RBFOX1: variants seen among roughly 807,000 people sequenced by gnomAD.
RBFOX1 encodes the protein RNA binding fox-1 homolog 1, also known as RNA binding protein fox-1 homolog 1.
RBFOX1 carries 8 observed loss-of-function variants against 57.7 expected under a neutral mutation model. The observed-to-expected ratio is 0.14, with a 90% CI of 0.08 to 0.25. The LOEUF is 0.25. RBFOX1 is among the 10% of genes least tolerant of loss of function. RBFOX1 has a pLI of 1.00. For missense variants in RBFOX1, 611 were observed against 548.5 expected (o/e 1.11, Z -1.14); for synonymous variants, 326 against 222.4 (o/e 1.47, Z -4.15).
At chr16:5,643,806 C>G (rs1345672264) in intron 3 of RBFOX1, among the ~76,000 whole-genome samples, 1 of 152,166 alleles carries the variant, frequency 6.6e-6, no homozygotes. Flanking sequence ...CCCCTAATCA[C>G]AAGCTAAGCC....
intron 3 of RBFOX1, among the ~76,000 whole-genome samples, chr16:6,751,498 T>C (rs2154191586): frequency 6.6e-6 from 1 of 152,296 alleles, no homozygotes; most frequent in Admixed American, 6.5e-5. Context: ...CAGCAACTCT[T>C]TGCCTCACTT....
intron 4 of RBFOX1, among the ~76,000 whole-genome samples, chr16:7,138,985 G>T (rs1044637561): frequency 6.6e-6 from 1 of 152,032 alleles, no homozygotes; most frequent in Non-Finnish European, 1.5e-5. Flanking sequence ...TATATTTTTA[G>T]TAGAGACAGG....
chr16:6,832,306 A>T (rs1019401202), intron 3 of RBFOX1, among the ~76,000 whole-genome samples: 1 of 152,186 alleles, frequency 6.6e-6, no homozygotes, highest in Non-Finnish European at 1.5e-5. Flanking sequence ...ATTACCAGAG[A>T]GTTGGAGACA....
At chr16:6,908,159 A>G (rs192881970) in intron 3 of RBFOX1, among the ~76,000 whole-genome samples, 15 of 151,686 alleles carry the variant, frequency 9.9e-5, no homozygotes, top group African/African-American at 3.4e-4. Context: ...CTAACAATCT[A>G]CTTCTCTGCA....
chr16:5,867,977 G>C (rs1468129747), intron 4 of RBFOX1, among the ~76,000 whole-genome samples: 2 of 152,134 alleles, frequency 1.3e-5, no homozygotes, highest in Non-Finnish European at 2.9e-5. Flanking sequence ...CTCCTAAAAT[G>C]CAGGGATTAT....
intron 4 of RBFOX1, among the ~76,000 whole-genome samples, chr16:7,116,652 A>T (rs775125225): frequency 6.6e-6 from 1 of 152,198 alleles, no homozygotes; most frequent in Non-Finnish European, 1.5e-5. Context: ...AATGCAATTC[A>T]TGTGACTTGG....
chr16:7,019,507 CCT>C (rs1248327581), intron 3 of RBFOX1, among the ~76,000 whole-genome samples: 4 of 152,086 alleles, frequency 2.6e-5, no homozygotes, highest in African/African-American at 9.7e-5. Flanking sequence ...TGTCTGAACC[CCT>C]GAGCCCATGG....
chr16:7,336,977 C>T (rs764572903), intron 4 of RBFOX1, among the ~76,000 whole-genome samples: 31 of 152,164 alleles, frequency 2.0e-4, no homozygotes, highest in Non-Finnish European at 8.8e-5. Flanking sequence ...CTAGACCCTG[C>T]TGAGGGCTTT....
chr16:6,914,940 A>C (rs1391648022), intron 3 of RBFOX1, among the ~76,000 whole-genome samples: 2 of 152,232 alleles, frequency 1.3e-5, no homozygotes, highest in Non-Finnish European at 2.9e-5. Context: ...CATAACTTTT[A>C]GAGAAGTAAA....
chr16:7,029,632 G>A (rs2042281688), intron 3 of RBFOX1, among the ~76,000 whole-genome samples: 1 of 151,976 alleles, frequency 6.6e-6, no homozygotes, highest in South Asian at 2.1e-4. Context: ...AAAGCAGAAG[G>A]GTATGAGATT....
At chr16:6,548,834 G>C (rs1331785547) in intron 2 of RBFOX1, among the ~76,000 whole-genome samples, 2 of 151,922 alleles carry the variant, frequency 1.3e-5, no homozygotes, top group Non-Finnish European at 2.9e-5. Context: ...CTAGCACTTT[G>C]GGAGGCCAAG....
intron 4 of RBFOX1, among the ~76,000 whole-genome samples, chr16:7,311,450 T>G (rs1233775247): frequency 6.8e-6 from 1 of 147,672 alleles, no homozygotes; most frequent in African/African-American, 2.5e-5. Context: ...AGTAAATGCA[T>G]AAAAGGTTTA....
chr16:7,194,281 T>C (rs1370051912), intron 4 of RBFOX1, among the ~76,000 whole-genome samples: 1 of 152,250 alleles, frequency 6.6e-6, no homozygotes, highest in East Asian at 1.9e-4. Flanking sequence ...ATTTATTTTA[T>C]GGCTACCTTT....
intron 2 of RBFOX1, among the ~76,000 whole-genome samples, chr16:6,485,227 C>T (rs911991749): frequency 1.3e-5 from 2 of 152,284 alleles, no homozygotes. Context: ...TCTGCCCACA[C>T]GCTTCCCACA....
chr16:6,892,994 T>C (rs2065891833), intron 3 of RBFOX1, among the ~76,000 whole-genome samples: 1 of 152,112 alleles, frequency 6.6e-6, no homozygotes, highest in African/African-American at 2.4e-5. Flanking sequence ...TTGCAAAAAC[T>C]ACAATTACTT....
chr16:6,978,349 C>G (rs992904849), intron 3 of RBFOX1, among the ~76,000 whole-genome samples: 1 of 152,174 alleles, frequency 6.6e-6, no homozygotes, highest in South Asian at 2.1e-4. Flanking sequence ...TTGGGCTGGT[C>G]TTTATAATTA....
At chr16:5,394,688 A>G (rs964201888) in intron 1 of RBFOX1, among the ~76,000 whole-genome samples, 3 of 151,382 alleles carry the variant, frequency 2.0e-5, no homozygotes, top group East Asian at 2.0e-4. Context: ...AGCTGAGACT[A>G]CAGATGCATG....
At chr16:6,604,203 GA>G (rs896276784) in intron 2 of RBFOX1, among the ~76,000 whole-genome samples, 22 of 144,942 alleles carry the variant, frequency 1.5e-4, no homozygotes, top group Middle Eastern at 3.6e-3. Flanking sequence ...TCCTACTGGG[GA>G]AAAAAAAAAG....
At chr16:5,875,035 A>T (rs575750088) in intron 4 of RBFOX1, among the ~76,000 whole-genome samples, 28 of 152,292 alleles carry the variant, frequency 1.8e-4, no homozygotes, top group Admixed American at 1.3e-3. Flanking sequence ...GAAATAGCTG[A>T]TATGAGATGC....
Sources: gnomAD v4.1 joint callset for allele counts (sites outside exome capture counted in the v4.1 genomes callset) on GRCh38, gnomAD v4.1.1 for gene constraint, MANE v1.5 for transcripts, NCBI Gene and HGNC (gene_info 2026-07-23, HGNC 2026-07-21) for gene names.